The following RBFOX1 variants were observed in gnomAD, a reference collection of about 807,000 sequenced individuals.
RBFOX1 encodes the protein RNA binding protein fox-1 homolog 1.
A neutral mutation model predicts 57.7 loss-of-function variants in RBFOX1; 8 were observed. That is an observed-to-expected ratio of 0.14 (90% confidence interval 0.08 to 0.25). RBFOX1 has a LOEUF of 0.25. Among genes scored for constraint, RBFOX1 ranks in the 10% least tolerant of loss-of-function variants. The pLI, the probability that RBFOX1 is intolerant of heterozygous loss-of-function variation, is 1.00. For synonymous variants in RBFOX1, 326 were observed against 222.4 expected (o/e 1.47, Z -4.15); for missense variants, 611 against 548.5 (o/e 1.11, Z -1.14).
intron 3 of RBFOX1, among the ~76,000 whole-genome samples, chr16:6,736,179 T>C (rs1177680909): frequency 6.6e-6 from 1 of 152,182 alleles, no homozygotes; most frequent in Non-Finnish European, 1.5e-5. Context: ...TATTAATTTT[T>C]TAAATTTTAT....
At chr16:5,561,066 C>A (rs920176351) in intron 2 of RBFOX1, among the ~76,000 whole-genome samples, 1 of 152,246 alleles carries the variant, frequency 6.6e-6, no homozygotes, top group Middle Eastern at 3.4e-3. Flanking sequence ...TTATCAATTC[C>A]CAAATGGATT....
rs911125506 is a variant in RBFOX1, at chr16:6,346,688, T to C, written c.-64+29631T>C. 3.3e-5 allele frequency among the ~76,000 whole-genome samples: 5 copies of C among 152,238 alleles called. No individual in the cohort carries two copies. The East Asian group carries it at 9.6e-4, about 29-fold the overall frequency. On this transcript the variant is annotated intron_variant, in intron 2 of 15. Transcript: ENST00000550418. ...ATTTAATTTGTCTATAGTTTTTTTA[T>C]TTTAACAGTGTCTTGATAATGCCTC...
intron 3 of RBFOX1, among the ~76,000 whole-genome samples, chr16:6,714,301 A>G (rs553412195): frequency 1.3e-5 from 2 of 152,126 alleles, no homozygotes; most frequent in Non-Finnish European, 2.9e-5. Context: ...TCATTATAGT[A>G]TTGTGAAATC....
chr16:7,265,666 C>G (rs933058222), intron 4 of RBFOX1, among the ~76,000 whole-genome samples: 1 of 152,142 alleles, frequency 6.6e-6, no homozygotes, highest in East Asian at 1.9e-4. Flanking sequence ...CCAGGCCGGT[C>G]TGAAACTCCT....
chr16:6,680,712 G>T (rs2058522608), intron 3 of RBFOX1, among the ~76,000 whole-genome samples: 1 of 152,114 alleles, frequency 6.6e-6, no homozygotes, highest in African/African-American at 2.4e-5. Context: ...ACTTTAATCA[G>T]ACTTCTGCGG....
intron 4 of RBFOX1, among the ~76,000 whole-genome samples, chr16:7,175,791 A>T (rs553603153): frequency 6.6e-6 from 1 of 152,174 alleles, no homozygotes; most frequent in Non-Finnish European, 1.5e-5. Context: ...AGAGTAAAGC[A>T]AGTCTCTGCA....
chr16:7,303,360 G>A (rs1185382167), intron 4 of RBFOX1, among the ~76,000 whole-genome samples: 2 of 152,138 alleles, frequency 1.3e-5, no homozygotes, highest in African/African-American at 2.4e-5. Flanking sequence ...CACCTCCTGA[G>A]GAGGGGAAAT....
chr16:6,630,578 C>G (rs1276970669), intron 2 of RBFOX1, among the ~76,000 whole-genome samples: 1 of 152,148 alleles, frequency 6.6e-6, no homozygotes, highest in Non-Finnish European at 1.5e-5. Flanking sequence ...AAGCTAAGAT[C>G]TAGTCAACTA....
At chr16:6,759,473 C>CTCTCTGTG (rs758046729) in intron 3 of RBFOX1, among the ~76,000 whole-genome samples, 1 of 143,082 alleles carries the variant, frequency 7.0e-6, no homozygotes, top group African/African-American at 2.7e-5. Context: ...TGTCAGTTGT[C>CTCTCTGTG]TGTGTGTGTG....
chr16:7,199,767 A>G (rs1002053580), intron 4 of RBFOX1, among the ~76,000 whole-genome samples: 3 of 152,086 alleles, frequency 2.0e-5, no homozygotes, highest in Admixed American at 1.3e-4. Context: ...GGTGGCAGGC[A>G]CCTTTAATCC....
At chr16:7,061,855 A>G (rs1208127433) in intron 4 of RBFOX1, among the ~76,000 whole-genome samples, 1 of 152,054 alleles carries the variant, frequency 6.6e-6, no homozygotes, top group Non-Finnish European at 1.5e-5. Flanking sequence ...TTTCAGGAGA[A>G]AAAAAAATAC....
intron 3 of RBFOX1, among the ~76,000 whole-genome samples, chr16:5,608,864 C>T (rs2047678610): frequency 1.3e-5 from 2 of 152,210 alleles, no homozygotes; most frequent in South Asian, 4.1e-4. Flanking sequence ...GTGGTCCCTT[C>T]TGAAATGCAT....
intron 3 of RBFOX1, among the ~76,000 whole-genome samples, chr16:6,685,551 G>T (rs1279809072): frequency 1.3e-5 from 2 of 150,638 alleles, no homozygotes; most frequent in African/African-American, 4.9e-5. Flanking sequence ...CTCTCCCAAA[G>T]TGCTGGGATT....
chr16:6,588,832 T>C (rs2097668984), intron 2 of RBFOX1, among the ~76,000 whole-genome samples: 1 of 152,168 alleles, frequency 6.6e-6, no homozygotes, highest in African/African-American at 2.4e-5. Flanking sequence ...CCCCAGGCCA[T>C]GCTGTCTCAC....
At chr16:6,453,728 C>A (rs770774832) in intron 2 of RBFOX1, among the ~76,000 whole-genome samples, 12 of 152,200 alleles carry the variant, frequency 7.9e-5, no homozygotes, top group Non-Finnish European at 2.9e-5. Context: ...CTGGTGTTGT[C>A]TGTAATGGCA....
At chr16:6,782,078 C>T (rs906366100) in intron 3 of RBFOX1, among the ~76,000 whole-genome samples, 7 of 152,068 alleles carry the variant, frequency 4.6e-5, no homozygotes, top group Non-Finnish European at 8.8e-5. Flanking sequence ...ATGTTCTTGG[C>T]TCACTGCAAC....
intron 1 of RBFOX1, among the ~76,000 whole-genome samples, chr16:6,282,006 A>G (rs1272762420): frequency 1.3e-5 from 2 of 152,176 alleles, no homozygotes; most frequent in Non-Finnish European, 2.9e-5. Context: ...CAAAATAAAA[A>G]TGTACCACTC....
intron 3 of RBFOX1, among the ~76,000 whole-genome samples, chr16:5,686,590 T>G (rs1272989753): frequency 6.6e-6 from 1 of 152,066 alleles, no homozygotes; most frequent in African/African-American, 2.4e-5. Context: ...CTAAGATATT[T>G]GGTCTGGTGT....
chr16:6,786,796 C>G (rs1422684045), intron 3 of RBFOX1, among the ~76,000 whole-genome samples: 1 of 152,012 alleles, frequency 6.6e-6, no homozygotes, highest in Non-Finnish European at 1.5e-5. Flanking sequence ...GACATGAGGT[C>G]ACATCGAGGG....
Sources: allele counts gnomAD v4.1 joint callset (sites outside exome capture counted in the v4.1 genomes callset), GRCh38; gene constraint gnomAD v4.1.1; transcripts MANE v1.5; gene names NCBI Gene and HGNC (gene_info 2026-07-23, HGNC 2026-07-21).